The following ATG7 variants were observed in gnomAD, a reference collection of about 807,000 sequenced individuals.
The protein encoded by ATG7 is ubiquitin-like modifier-activating enzyme ATG7.
ATG7 carries 70 observed loss-of-function variants against 82.4 expected under a neutral mutation model. The ratio of observed to expected loss-of-function variants is 0.85; its 90% CI spans 0.70 to 1.04. The LOEUF is 1.04. ATG7 is among the 50% of genes least tolerant of loss of function. The probability of loss-of-function intolerance (pLI) is 0.00; values close to 1 mark genes in which losing one functional copy is unlikely to be tolerated. For synonymous variants in ATG7, 287 were observed against 313.0 expected (o/e 0.92, Z 0.88); for missense variants, 792 against 864.3 (o/e 0.92, Z 1.05).
chr3:11,543,828 G>A (rs892500743), intron 20 of ATG7, among the ~76,000 whole-genome samples: 3 of 152,186 alleles, frequency 2.0e-5, no homozygotes, highest in Non-Finnish European at 4.4e-5. Context: ...CTTGAACCGC[G>A]GACCTCTGGG....
chr3:11,396,260 A>G (rs933541471), intron 19 of ATG7, among the ~76,000 whole-genome samples: 3 of 152,154 alleles, frequency 2.0e-5, no homozygotes, highest in Non-Finnish European at 4.4e-5. Context: ...CAGGCTTGCC[A>G]ACACAGTGAA....
At chr3:11,343,380 A>G (rs892650371) in intron 13 of ATG7, among the ~76,000 whole-genome samples, 8 of 152,182 alleles carry the variant, frequency 5.3e-5, no homozygotes, top group African/African-American at 9.7e-5. Flanking sequence ...TGTTTCTTTA[A>G]TTAGCAAGGG....
chr3:11,326,291 T>TA (rs1444767385), intron 9 of ATG7, among the ~76,000 whole-genome samples: 1 of 150,004 alleles, frequency 6.7e-6, no homozygotes, highest in Non-Finnish European at 1.5e-5. Flanking sequence ...ATGCTGTTTT[T>TA]TTTTTGTTGT....
At chr3:11,363,197 C>A in intron 17 of ATG7, 1 of 355,852 alleles carries the variant, frequency 2.8e-6, no homozygotes, top group Non-Finnish European at 5.3e-6. Flanking sequence ...TTACTTTGTG[C>A]TAGGCACTGT....
chr3:11,281,674 TGA>T (rs1393041634), intron 2 of ATG7, among the ~76,000 whole-genome samples: 3 of 150,634 alleles, frequency 2.0e-5, no homozygotes, highest in Non-Finnish European at 2.9e-5. Flanking sequence ...CTTGGGAGGC[TGA>T]GGCAGGAGAA....
intron 18 of ATG7, among the ~76,000 whole-genome samples, chr3:11,374,081 A>G (rs1421935239): frequency 6.6e-6 from 1 of 152,212 alleles, no homozygotes; most frequent in Non-Finnish European, 1.5e-5. Context: ...AGATAAAAAC[A>G]TTTCTTAATT....
intron 9 of ATG7, among the ~76,000 whole-genome samples, chr3:11,330,849 G>C (rs1276132799): frequency 6.6e-6 from 1 of 152,186 alleles, no homozygotes; most frequent in African/African-American, 2.4e-5. Context: ...GGATGGGAAA[G>C]GGGAGGGAGG....
intron 16 of ATG7, 148 bp downstream of exon 16, chr3:11,360,932 C>T: frequency 1.1e-6 from 1 of 915,016 alleles, no homozygotes; most frequent in South Asian, 1.7e-5. Flanking sequence ...ATGGCATTAT[C>T]TCATTATGAA....
intron 20 of ATG7, among the ~76,000 whole-genome samples, chr3:11,434,751 C>T (rs1024177948): frequency 5.6e-4 from 85 of 152,014 alleles, no homozygotes; most frequent in African/African-American, 2.0e-3. Context: ...CCCCACCCTT[C>T]GGAAAAGAGT....
intron 20 of ATG7, among the ~76,000 whole-genome samples, chr3:11,455,765 A>T (rs1227306226): frequency 1.3e-5 from 2 of 152,062 alleles, no homozygotes; most frequent in Non-Finnish European, 2.9e-5. Flanking sequence ...CACCTTAATC[A>T]AGCTGATTTA....
intron 20 of ATG7, among the ~76,000 whole-genome samples, chr3:11,507,788 G>T (rs940618766): frequency 6.6e-6 from 1 of 152,104 alleles, no homozygotes; most frequent in Non-Finnish European, 1.5e-5. Context: ...CACTCTAGAT[G>T]TGGGAAGGAA....
intron 1 of ATG7, among the ~76,000 whole-genome samples, chr3:11,278,352 G>T (rs969251108): frequency 2.0e-5 from 3 of 152,204 alleles, no homozygotes; most frequent in African/African-American, 7.2e-5. Flanking sequence ...ACAGGCATAA[G>T]AAATTATAAA....
the ATG7 span, among the ~76,000 whole-genome samples, chr3:11,573,287 GAAAGAAAGAAAGA>G: frequency 4.0e-4 from 4 of 9,946 alleles, no homozygotes; most frequent in Admixed American, 1.4e-3. Flanking sequence ...AAGAAAGAAA[GAAAGAAAGAAAGA>G]AAGAAAGGAA....
At chr3:11,492,954 C>T (rs945923074) in intron 20 of ATG7, among the ~76,000 whole-genome samples, 6 of 152,224 alleles carry the variant, frequency 3.9e-5, no homozygotes, top group Middle Eastern at 3.2e-3. Context: ...TGGACAGCAG[C>T]GTGTTATCAG....
chr3:11,529,103 C>T (rs115698977), intron 20 of ATG7, among the ~76,000 whole-genome samples: 2,103 of 151,866 alleles, frequency 0.014, 43 homozygotes, highest in African/African-American at 0.048. Flanking sequence ...GGAAACTACA[C>T]GTGTAGGTGG....
downstream of ATG7, chr3:11,558,190 G>T: frequency 6.6e-6 from 2 of 302,066 alleles, no homozygotes; most frequent in Non-Finnish European, 1.2e-5. Context: ...AAAGGAAAAA[G>T]CACAAAGCGT....
chr3:11,484,914 G>A (rs1455231192), intron 20 of ATG7, among the ~76,000 whole-genome samples: 1 of 152,160 alleles, frequency 6.6e-6, no homozygotes, highest in African/African-American at 2.4e-5. Flanking sequence ...TGGTGTATAT[G>A]TGCCACATTT....
At chr3:11,388,830 C>G (rs902021991) in intron 19 of ATG7, among the ~76,000 whole-genome samples, 6 of 152,156 alleles carry the variant, frequency 3.9e-5, no homozygotes, top group African/African-American at 1.4e-4. Context: ...GGACTTGTAA[C>G]TGCTACCCAG....
intron 5 of ATG7, among the ~76,000 whole-genome samples, chr3:11,303,745 C>CTT (rs1248293888): frequency 6.6e-6 from 1 of 150,998 alleles, no homozygotes; most frequent in African/African-American, 2.4e-5. Flanking sequence ...CTGTGGGTTT[C>CTT]TTTCCCTTGA....
Sources: allele counts gnomAD v4.1 joint callset (sites outside exome capture counted in the v4.1 genomes callset), GRCh38; gene constraint gnomAD v4.1.1; transcripts MANE v1.5; gene names NCBI Gene and HGNC (gene_info 2026-07-23, HGNC 2026-07-21).